The following IQGAP1 variants were observed in gnomAD, a reference collection of about 807,000 sequenced individuals.
IQGAP1 encodes the protein ras GTPase-activating-like protein IQGAP1.
A neutral mutation model predicts 215.6 loss-of-function variants in IQGAP1; 66 were observed. That is an observed-to-expected ratio of 0.31 (90% CI 0.25 to 0.38). The LOEUF is 0.38. IQGAP1 is among the 10% of genes least tolerant of loss of function. The pLI is 1.00. For synonymous variants in IQGAP1, 772 were observed against 728.7 expected, an observed-to-expected ratio of 1.06 and a Z score of -0.96; for missense variants, 1,712 against 1,997.1, an observed-to-expected ratio of 0.86 and a Z score of 2.72.
chr15:90,487,485 C>T lies in IQGAP1; in HGVS notation c.4161-10C>T, dbSNP rs773844939. 3.7e-6 allele frequency: 6 copies of T among 1,604,598 alleles called. No individual in the cohort carries two copies. Among genetic ancestry groups the T allele is most frequent in the Non-Finnish European group, 4.3e-6 (5 of 1,171,548 alleles). On this transcript the variant is annotated splice_polypyrimidine_tract_variant and intron_variant, in intron 32 of 37. Transcript: ENST00000268182. ...GGTAATATTTAAATGCCTCCCCCAT[C>T]TCGTTTCAGTACAAAACGTTTAATT... is the stretch of plus-strand genomic sequence containing the variant.
chr15:90,457,135 C>T (rs1283556110), intron 15 of IQGAP1, among the ~76,000 whole-genome samples: 1 of 151,760 alleles, frequency 6.6e-6, no homozygotes, highest in Non-Finnish European at 1.5e-5. Flanking sequence ...TATCCCCTTC[C>T]ACCCTTAGCC....
chr15:90,464,745 G>A lies in IQGAP1; in HGVS notation c.1777-1256G>A, dbSNP rs146783250. On this transcript the variant is annotated intron_variant, in intron 15 of 37. Coordinates refer to ENST00000268182, the MANE Select transcript of IQGAP1 (RefSeq NM_003870.4). ...CGGGTGCACGTAGTCCCAGCTACTC[G>A]GGAGGCTGAGGCAGGAGAATGGCGT... Among the ~76,000 whole-genome samples, 1,302 of 151,970 alleles carry A rather than the reference G, an allele frequency of 8.6e-3. 38 individuals carry two copies. In the East Asian group the frequency reaches 0.11, roughly 12 times the overall value.
chr15:90,417,552 G>A (rs542048504), intron 2 of IQGAP1, among the ~76,000 whole-genome samples: 2 of 152,266 alleles, frequency 1.3e-5, no homozygotes, highest in East Asian at 3.9e-4. Flanking sequence ...GCTCTGTTCT[G>A]TTCCATTGGT....
At chr15:90,444,545 A>G (rs904747971) in intron 9 of IQGAP1, among the ~76,000 whole-genome samples, 17 of 152,150 alleles carry the variant, frequency 1.1e-4, no homozygotes, top group African/African-American at 4.1e-4. Context: ...TGGCCTCCCA[A>G]ATTGCTGGGA....
At chr15:90,419,186 A>G (rs1248442219) in intron 2 of IQGAP1, among the ~76,000 whole-genome samples, 5 of 152,058 alleles carry the variant, frequency 3.3e-5, no homozygotes. Context: ...AATCACACCA[A>G]CTTGGGTTCA....
intron 3 of IQGAP1, among the ~76,000 whole-genome samples, chr15:90,428,064 T>A (rs1459506320): frequency 6.6e-6 from 1 of 152,030 alleles, no homozygotes; most frequent in East Asian, 1.9e-4. Flanking sequence ...TTTTTTGTTG[T>A]TGGTTGGTTG....
At chr15:90,481,890 T>A (rs1966064196) in intron 26 of IQGAP1, 70 bp from the exon 27 acceptor site, 1 of 1,525,038 alleles carries the variant, frequency 6.6e-7, no homozygotes, top group Non-Finnish European at 9.0e-7. Flanking sequence ...TTATGAAAGA[T>A]AAGACACTTG....
chr15:90,442,065 C>T (rs963086774), intron 8 of IQGAP1, among the ~76,000 whole-genome samples: 11 of 152,070 alleles, frequency 7.2e-5, no homozygotes, highest in African/African-American at 2.4e-4. Flanking sequence ...AATTCTAGAG[C>T]GTAGCCATTA....
At chr15:90,446,853 A>G (rs1965533702) in intron 9 of IQGAP1, among the ~76,000 whole-genome samples, 1 of 152,196 alleles carries the variant, frequency 6.6e-6, no homozygotes, top group African/African-American at 2.4e-5. Flanking sequence ...TCAGTGAGAG[A>G]AAGTATTTAA....
chr15:90,487,785 C>T (rs1966147600), intron 33 of IQGAP1, among the ~76,000 whole-genome samples: 1 of 152,100 alleles, frequency 6.6e-6, no homozygotes, highest in Non-Finnish European at 1.5e-5. Context: ...GGACAGGAAG[C>T]TCACTGGCAC....
intron 5 of IQGAP1, among the ~76,000 whole-genome samples, chr15:90,437,102 CTT>C (rs1965380784): frequency 6.6e-6 from 1 of 152,158 alleles, no homozygotes. Flanking sequence ...CCTCAGGAAA[CTT>C]ACAATCATGG....
At chr15:90,441,158 T>C (rs1454912597) in intron 7 of IQGAP1, among the ~76,000 whole-genome samples, 3 of 151,976 alleles carry the variant, frequency 2.0e-5, no homozygotes, top group Admixed American at 6.6e-5. Flanking sequence ...CCGTGGCTCA[T>C]TGAGTTTCTT....
intron 2 of IQGAP1, among the ~76,000 whole-genome samples, chr15:90,396,553 C>A (rs1285833113): frequency 6.6e-6 from 1 of 152,078 alleles, no homozygotes; most frequent in African/African-American, 2.4e-5. Flanking sequence ...CTGATCCATT[C>A]ATTTATTTAT....
At chr15:90,421,716 A>G (rs541617454) in intron 2 of IQGAP1, among the ~76,000 whole-genome samples, 1 of 152,212 alleles carries the variant, frequency 6.6e-6, no homozygotes, top group Non-Finnish European at 1.5e-5. Context: ...TTTAAGACAG[A>G]GACTTGCTCT....
intron 9 of IQGAP1, among the ~76,000 whole-genome samples, chr15:90,444,115 T>C (rs1965490299): frequency 6.6e-6 from 1 of 152,010 alleles, no homozygotes; most frequent in South Asian, 2.1e-4. Context: ...ATTTTTGTTT[T>C]TCCTTTAAAG....
At chr15:90,388,662 C>T (rs1964588659) in intron 1 of IQGAP1, among the ~76,000 whole-genome samples, 1 of 152,102 alleles carries the variant, frequency 6.6e-6, no homozygotes, top group South Asian at 2.1e-4. Flanking sequence ...CAGCGCCTCT[C>T]GCCGCCCAGG....
chr15:90,430,517 G>C (rs1965287476), intron 4 of IQGAP1, among the ~76,000 whole-genome samples: 1 of 152,080 alleles, frequency 6.6e-6, no homozygotes, highest in Admixed American at 6.6e-5. Context: ...CCAAATACTA[G>C]TGCCATTTAA....
chr15:90,448,401 C>T (rs1207267839), intron 9 of IQGAP1, among the ~76,000 whole-genome samples, 172 bp from the exon 10 acceptor site: 1 of 152,118 alleles, frequency 6.6e-6, no homozygotes, highest in African/African-American at 2.4e-5. Flanking sequence ...GACTTGATGA[C>T]TCTAAGGTTC....
chr15:90,499,972 GTTTTGT>G lies in IQGAP1; in HGVS notation c.4861-19_4861-14del. The stretch of plus-strand genomic sequence containing the variant: ...ATTAACTGTCAAAATGTTTTGTTTT[GTTTTGT>G]TTTGTTTTGTTAATAGGACCTGCTG... On this transcript the variant is annotated splice_polypyrimidine_tract_variant and intron_variant, in intron 37 of 37. Coordinates refer to ENST00000268182, the MANE Select transcript of IQGAP1 (RefSeq NM_003870.4). 1 of 1,339,988 alleles carries G rather than the reference GTTTTGT, an allele frequency of 7.5e-7. No homozygotes were observed. The highest frequency in any genetic ancestry group is 1.1e-6 in the Non-Finnish European group (1 of 932,686). 83.0% of individuals were successfully genotyped at this position (1,339,988 alleles called of 1,614,324 possible).
Sources: allele counts gnomAD v4.1 joint callset (sites outside exome capture counted in the v4.1 genomes callset), GRCh38; gene constraint gnomAD v4.1.1; transcripts MANE v1.5; gene names NCBI Gene and HGNC (gene_info 2026-07-23, HGNC 2026-07-21).